The following SPDYA variants were observed in gnomAD, a reference collection of about 807,000 sequenced individuals.
SPDYA encodes speedy/RINGO cell cycle regulator family member A.
Under a neutral mutation model 36.7 loss-of-function variants are expected in SPDYA, and 11 were observed. That is an observed-to-expected ratio of 0.30 (90% CI 0.19 to 0.50). The LOEUF (loss-of-function observed/expected upper bound fraction) is 0.50. Among genes scored for constraint, SPDYA ranks in the 20% least tolerant of loss-of-function variants. The pLI, the probability that SPDYA is intolerant of heterozygous loss-of-function variation, is 0.98. For synonymous variants in SPDYA, 115 were observed against 118.7 expected, an observed-to-expected ratio of 0.97 and a Z score of 0.20; for missense variants, 287 against 370.9, an observed-to-expected ratio of 0.77 and a Z score of 1.86.
At position 28,850,115 on chromosome 2, in the gene SPDYA, A is replaced by AATC; in HGVS notation, c.*175_*177dup. 7.4e-7 allele frequency: 1 copy of AATC among 1,348,980 alleles called. No homozygotes were observed. Among genetic ancestry groups the AATC allele is most frequent in the Non-Finnish European group, 1.0e-6 (1 of 961,896 alleles). The allele number at this position is 1,348,980 out of a possible 1,614,324, so 83.6% of individuals were successfully genotyped here. ...AGTCATAGTAATAGCTAAAAATGCCAATCTATGGAAGCAGTGATTTTCAAT... is the reference window on the plus strand; with the variant it reads ...AGTCATAGTAATAGCTAAAAATGCCAATCATCTATGGAAGCAGTGATTTTCAAT... On this transcript the variant is annotated 3_prime_UTR_variant, in exon 8 of 8. Transcript: ENST00000334056.
intron 2 of SPDYA, among the ~76,000 whole-genome samples, chr2:28,815,017 C>G (rs1667950381): frequency 6.6e-6 from 1 of 152,124 alleles, no homozygotes; most frequent in Non-Finnish European, 1.5e-5. Flanking sequence ...CATGATGGCT[C>G]AAGCCCATAA....
intron 6 of SPDYA, among the ~76,000 whole-genome samples, chr2:28,832,778 C>T (rs543661905): frequency 7.9e-5 from 12 of 152,010 alleles, no homozygotes; most frequent in Non-Finnish European, 1.5e-4. Flanking sequence ...TAATACTATA[C>T]TTTTATTGTC....
chr2:28,840,265 C>G lies in SPDYA; in HGVS notation c.646C>G (p.Gln216Glu), dbSNP rs750302644. 1.4e-5 allele frequency: 22 copies of G among 1,613,784 alleles called. 1 individual carries two copies. The South Asian group carries it at 2.3e-4, about 17-fold the overall frequency. ...AVRNYNRDEVQLPRGPSATPV... is the reference protein window; with the variant it reads ...AVRNYNRDEVELPRGPSATPV... Reference sequence around the variant, plus strand: ...CAGAAACTACAACAGAGATGAAGTTCAGCTGCCCCGGGGACCTAGTGCCAC... The same window carrying G: ...CAGAAACTACAACAGAGATGAAGTTGAGCTGCCCCGGGGACCTAGTGCCAC... Residue 216 changes from glutamine (Q) to glutamate (E), a missense_variant, in exon 7 of 8, where the codon CAG (glutamine) becomes GAG (glutamate). Gln to Glu is a conservative substitution (Grantham distance 29). Transcript: ENST00000334056.
At chr2:28,836,592 C>T (rs1668610298) in intron 6 of SPDYA, among the ~76,000 whole-genome samples, 1 of 152,172 alleles carries the variant, frequency 6.6e-6, no homozygotes, top group Non-Finnish European at 1.5e-5. Flanking sequence ...TCCTTGACCA[C>T]ATCAACTCTA....
chr2:28,812,269 G>A (rs1572483637), intron 1 of SPDYA, among the ~76,000 whole-genome samples: 2 of 152,086 alleles, frequency 1.3e-5, no homozygotes, highest in East Asian at 3.9e-4. Context: ...GCATTCATAA[G>A]GAAGTTAAGG....
At chr2:28,836,600 C>G (rs1228057363) in intron 6 of SPDYA, among the ~76,000 whole-genome samples, 4 of 152,156 alleles carry the variant, frequency 2.6e-5, no homozygotes, top group Non-Finnish European at 5.9e-5. Flanking sequence ...CACATCAACT[C>G]TATTACATTT....
At chr2:28,813,708 T>C (rs1667912007) in intron 1 of SPDYA, among the ~76,000 whole-genome samples, 1 of 151,942 alleles carries the variant, frequency 6.6e-6, no homozygotes, top group Admixed American at 6.6e-5. Context: ...CCTGCCACCA[T>C]GCCCAGCTAA....
intron 6 of SPDYA, among the ~76,000 whole-genome samples, chr2:28,838,022 G>A (rs1433311074): frequency 1.3e-5 from 2 of 151,942 alleles, no homozygotes; most frequent in Non-Finnish European, 2.9e-5. Context: ...AAAAAAGGGG[G>A]ATGTTTCTAG....
At position 28,850,468 on chromosome 2, in the gene SPDYA, CTG is replaced by C. The variant is rs1669034424; in HGVS notation, c.*529_*530del. 1.8e-6 allele frequency: 2 copies of C among 1,128,996 alleles called. No homozygotes were observed. Among genetic ancestry groups the C allele is most frequent in the Non-Finnish European group, 1.3e-6 (1 of 783,384 alleles). 69.9% of individuals were successfully genotyped at this position (1,128,996 alleles called of 1,614,324 possible). On this transcript the variant is annotated 3_prime_UTR_variant, in exon 8 of 8. Transcript: ENST00000334056. ...AATATTTTCTATTTTTTTCACAAAA[CTG>C]TTAAAATATGAGTTACTCTCTTTAT... is the stretch of plus-strand genomic sequence containing the variant.
intron 6 of SPDYA, among the ~76,000 whole-genome samples, chr2:28,839,496 T>C (rs1220304477): frequency 6.6e-6 from 1 of 152,166 alleles, no homozygotes; most frequent in Non-Finnish European, 1.5e-5. Flanking sequence ...ACCTTAATTA[T>C]TTTTATTTTT....
chr2:28,838,971 T>C (rs1668679675), intron 6 of SPDYA, among the ~76,000 whole-genome samples: 1 of 152,248 alleles, frequency 6.6e-6, no homozygotes, highest in Non-Finnish European at 1.5e-5. Flanking sequence ...TTGATGACTG[T>C]AACTAAAGAC....
At position 28,841,055 on chromosome 2, in the gene SPDYA, C is replaced by T. The variant is rs191227705; in HGVS notation, c.850+586C>T. Among the ~76,000 whole-genome samples the T allele has an allele frequency of 2.0e-3, 310 of 151,608 alleles. 2 individuals are homozygous for T. The highest frequency in any genetic ancestry group is 3.0e-3 in the Admixed American group (46 of 15,158). The stretch of plus-strand genomic sequence containing the variant: ...GTTCGGGTGATTCTCATGCCTCAGC[C>T]TCCTAAGTATCTGGGATTACAGACA... On this transcript the variant is annotated intron_variant, in intron 7 of 7. Coordinates refer to ENST00000334056, the MANE Select transcript of SPDYA (RefSeq NM_182756.4).
At chr2:28,840,570 A>T in intron 7 of SPDYA, 101 bp downstream of exon 7, 1 of 1,472,948 alleles carries the variant, frequency 6.8e-7, no homozygotes, top group Non-Finnish European at 8.9e-7. Context: ...ATATACTCCA[A>T]CAATATGAGT....
At chr2:28,820,001 A>G (rs1289603746) in intron 4 of SPDYA, among the ~76,000 whole-genome samples, 3 of 149,684 alleles carry the variant, frequency 2.0e-5, no homozygotes, top group African/African-American at 7.4e-5. Flanking sequence ...ACAGAGCCAG[A>G]CCCTGTCTCA....
intron 5 of SPDYA, among the ~76,000 whole-genome samples, chr2:28,823,064 A>G (rs1017303909): frequency 5.3e-5 from 8 of 152,196 alleles, no homozygotes; most frequent in Non-Finnish European, 1.2e-4. Flanking sequence ...AGTAAAAATC[A>G]CCATCATCAT....
Position 28,840,224 on chromosome 2 carries a change from A to G in SPDYA, c.605A>G (p.His202Arg), listed in dbSNP as rs1313121679. ...HYIWQRERSV[H>R]HSGAVRNYNR... ...ATCTGGCAAAGAGAACGTTCTGTTC[A>G]TCACAGTGGAGCTGTCAGAAACTAC... is the stretch of plus-strand genomic sequence containing the variant. The change falls in exon 7 of 8, where the codon CAT becomes CGT. Residue 202 changes from histidine (H) to arginine (R), a missense_variant. His to Arg is a conservative substitution (Grantham distance 29, BLOSUM62 0). Transcript: ENST00000334056. The G allele has an allele frequency of 6.2e-7, 1 of 1,614,226 alleles. No homozygotes were observed. The highest frequency in any genetic ancestry group is 8.5e-7 in the Non-Finnish European group (1 of 1,180,036).
chr2:28,842,508 G>A (rs1255023560), intron 7 of SPDYA, among the ~76,000 whole-genome samples: 1 of 152,154 alleles, frequency 6.6e-6, no homozygotes, highest in Admixed American at 6.5e-5. Context: ...GTCTTTGAGG[G>A]ATTGTGGATG....
intron 5 of SPDYA, among the ~76,000 whole-genome samples, chr2:28,825,221 G>GAAAC (rs1217555149): frequency 2.0e-5 from 3 of 151,494 alleles, no homozygotes; most frequent in Admixed American, 6.6e-5. Context: ...TATCTATGTT[G>GAAAC]ATGCAATATT....
In SPDYA at chr2:28,829,579, G is replaced by A. The variant is rs559232671; in HGVS notation, c.552+260G>A. On this transcript the variant is annotated intron_variant, in intron 6 of 7. Coordinates refer to ENST00000334056, the MANE Select transcript of SPDYA (RefSeq NM_182756.4). Reference sequence around the variant, plus strand: ...TCCCAGCACTTTGAGAGGCTGAGGCGGGTGGATCTCCTGAGGTCAGGAGTT... The same window carrying A: ...TCCCAGCACTTTGAGAGGCTGAGGCAGGTGGATCTCCTGAGGTCAGGAGTT... Among the ~76,000 whole-genome samples, 28 of 151,946 alleles carry A rather than the reference G, an allele frequency of 1.8e-4. No homozygotes were observed. In the South Asian group the frequency reaches 5.2e-3, roughly 28 times the overall value.
Sources: allele counts gnomAD v4.1 joint callset (sites outside exome capture counted in the v4.1 genomes callset), GRCh38; gene constraint gnomAD v4.1.1; transcripts MANE v1.5; gene names NCBI Gene and HGNC (gene_info 2026-07-23, HGNC 2026-07-21).